OSBPL3: variants seen among roughly 807,000 people sequenced by gnomAD.
The protein encoded by OSBPL3 is oxysterol-binding protein-related protein 3.
A neutral mutation model predicts 120.1 loss-of-function variants in OSBPL3; 65 were observed. The ratio of observed to expected loss-of-function variants is 0.54; its 90% CI spans 0.44 to 0.67. OSBPL3 has a LOEUF of 0.67. Ranked by LOEUF, OSBPL3 falls within the 30% of genes least tolerant of loss-of-function variation. The pLI is 0.00. For missense variants in OSBPL3, 1,004 were observed against 1,082.1 expected, an observed-to-expected ratio of 0.93 and a Z score of 1.01; for synonymous variants, 416 against 402.6, an observed-to-expected ratio of 1.03 and a Z score of -0.40.
chr7:24,906,416 C>A (rs932557814), intron 1 of OSBPL3: 29 of 246,866 alleles, frequency 1.2e-4, no homozygotes, highest in African/African-American at 6.0e-4. Flanking sequence ...TAGGAGGAAC[C>A]TTTCCTTGTT....
intron 1 of OSBPL3, among the ~76,000 whole-genome samples, chr7:24,893,963 G>T (rs1805745461): frequency 6.6e-6 from 1 of 151,894 alleles, no homozygotes; most frequent in Non-Finnish European, 1.5e-5. Context: ...TCCTAAGCAG[G>T]TTAACAACAT....
Position 24,817,965 on chromosome 7 carries a change from T to G in OSBPL3, c.1949-1277A>C, listed in dbSNP as rs1584233488. On this transcript the variant is annotated intron_variant, in intron 17 of 22. Transcript: ENST00000313367. This position sits in a 1 kb window ranked among gnomAD's most constrained non-coding sequence, Gnocchi z 4.0. ...TCCCATCTGGCTGCTGCACTGAGGA[T>G]CTACAGATCACAGGGAAATCAGGGT... is the stretch of plus-strand genomic sequence containing the variant. Among the ~76,000 whole-genome samples, 1 of 151,996 alleles carries G rather than the reference T, an allele frequency of 6.6e-6. No homozygotes were observed. Among genetic ancestry groups the G allele is most frequent in the East Asian group, 1.9e-4 (1 of 5,198 alleles).
intron 1 of OSBPL3, among the ~76,000 whole-genome samples, chr7:24,903,176 T>C (rs190403638): frequency 6.6e-6 from 1 of 152,362 alleles, no homozygotes; most frequent in African/African-American, 2.4e-5. Flanking sequence ...ATGCCTTCCA[T>C]TTCATCTTCT....
In OSBPL3 at chr7:24,940,385, A is replaced by G. The variant is rs996517065; in HGVS notation, c.-150+39501T>C. ...TAGAAATTACTGGTACCAATGACAGATCATCAAAAGGGTTGACTATATAGC... is the reference window on the plus strand; with the variant it reads ...TAGAAATTACTGGTACCAATGACAGGTCATCAAAAGGGTTGACTATATAGC... On this transcript the variant is annotated intron_variant, in intron 1 of 22. Coordinates refer to ENST00000313367, the MANE Select transcript of OSBPL3 (RefSeq NM_015550.4). The surrounding 1 kb of genome is among the most constrained non-coding windows in gnomAD (Gnocchi z 4.4). Among the ~76,000 whole-genome samples, 1 of 152,176 alleles carries G rather than the reference A, an allele frequency of 6.6e-6. No homozygotes were observed. Among genetic ancestry groups the G allele is most frequent in the Non-Finnish European group, 1.5e-5 (1 of 68,020 alleles).
Position 24,818,113 on chromosome 7 carries a change from G to A in OSBPL3, c.1949-1425C>T, listed in dbSNP as rs1023695204. Among the ~76,000 whole-genome samples the A allele has an allele frequency of 6.6e-6, 1 of 152,174 alleles. No individual in the cohort carries two copies. Among genetic ancestry groups the A allele is most frequent in the African/African-American group, 2.4e-5 (1 of 41,430 alleles). The stretch of plus-strand genomic sequence containing the variant: ...TATTTATATAAAATGCCCCAAACAG[G>A]CACATTTATAGGCTGGGGAATATTG... On this transcript the variant is annotated intron_variant, in intron 17 of 22. Transcript: ENST00000313367. The surrounding 1 kb of genome is among the most constrained non-coding windows in gnomAD (Gnocchi z 4.0).
chr7:24,877,897 C>T lies in OSBPL3; in HGVS notation c.97-5828G>A, dbSNP rs1445979566. On this transcript the variant is annotated intron_variant, in intron 2 of 22. Coordinates refer to ENST00000313367, the MANE Select transcript of OSBPL3 (RefSeq NM_015550.4). This position sits in a 1 kb window ranked among gnomAD's most constrained non-coding sequence, Gnocchi z 4.8. ...GCCCAACACGGCTGCACTGATGTCTCATCCTGTGGGGTGTCAAGCTTAAAG... is the reference window on the plus strand; with the variant it reads ...GCCCAACACGGCTGCACTGATGTCTTATCCTGTGGGGTGTCAAGCTTAAAG... 6.6e-6 allele frequency among the ~76,000 whole-genome samples: 1 copy of T among 152,138 alleles called. No homozygotes were observed. The highest frequency in any genetic ancestry group is 1.5e-5 in the Non-Finnish European group (1 of 68,040).
chr7:24,815,222 T>C lies in OSBPL3; in HGVS notation c.2028-19A>G, dbSNP rs553854616. On this transcript the variant is annotated intron_variant, in intron 18 of 22. Transcript: ENST00000313367. This position sits in a 1 kb window ranked among gnomAD's most constrained non-coding sequence, Gnocchi z 5.1. Reference sequence around the variant, plus strand: ...CCCAAAACTAAAAAGAAGGAAAAAGTAGAAGTACCAATTTCTAGAAGAGCC... The same window carrying C: ...CCCAAAACTAAAAAGAAGGAAAAAGCAGAAGTACCAATTTCTAGAAGAGCC... The C allele has an allele frequency of 2.5e-5, 40 of 1,607,084 alleles. 1 individual carries two copies. In the South Asian group the frequency reaches 2.8e-4, roughly 11 times the overall value.
At chr7:24,945,223 T>A (rs927112575) in intron 1 of OSBPL3, among the ~76,000 whole-genome samples, 1 of 152,202 alleles carries the variant, frequency 6.6e-6, no homozygotes. Flanking sequence ...CCTTCTTTTT[T>A]CCAGGCTAAA....
At position 24,937,378 on chromosome 7, in the gene OSBPL3, T is replaced by C. The variant is rs755901970; in HGVS notation, c.-150+42508A>G. Among the ~76,000 whole-genome samples, 54 of 152,238 alleles carry C rather than the reference T, an allele frequency of 3.5e-4. No individual in the cohort carries two copies. The highest frequency in any genetic ancestry group is 6.9e-4 in the Non-Finnish European group (47 of 68,040). On this transcript the variant is annotated intron_variant, in intron 1 of 22. Transcript: ENST00000313367. This position sits in a 1 kb window ranked among gnomAD's most constrained non-coding sequence, Gnocchi z 4.0. ...TATCAGTAAATTTTTATTTCAATTG[T>C]TTAACTATTATGAATGGGCTCATTC... is the stretch of plus-strand genomic sequence containing the variant.
At chr7:24,832,199 C>G (rs1476387965) in intron 15 of OSBPL3, among the ~76,000 whole-genome samples, 3 of 121,652 alleles carry the variant, frequency 2.5e-5, no homozygotes, top group Admixed American at 7.9e-5. Flanking sequence ...AGAGCAAGAC[C>G]CTGTCTCAAA....
At chr7:24,956,308 G>GC (rs1311728412) in intron 1 of OSBPL3, among the ~76,000 whole-genome samples, 2 of 152,274 alleles carry the variant, frequency 1.3e-5, no homozygotes, top group Non-Finnish European at 2.9e-5. Context: ...CCTGTTCTGA[G>GC]ATATTTCCAC....
intron 10 of OSBPL3, among the ~76,000 whole-genome samples, chr7:24,853,359 A>C (rs1799409993): frequency 6.6e-6 from 1 of 152,242 alleles, no homozygotes; most frequent in Non-Finnish European, 1.5e-5. Context: ...AGCCAGGGCT[A>C]TGTAATCTGA....
Position 24,919,295 on chromosome 7 carries a change from G to A in OSBPL3, c.-149-26674C>T, listed in dbSNP as rs192193963. On this transcript the variant is annotated intron_variant, in intron 1 of 22. Transcript: ENST00000313367. ...ACAGGCACCAAGACAACGTGTCCTA[G>A]CATAAAGACAGACATACAGATCAGT... Among the ~76,000 whole-genome samples the A allele has an allele frequency of 4.3e-4, 65 of 152,206 alleles. 1 individual carries two copies. In the East Asian group the frequency reaches 0.011, roughly 27 times the overall value.
chr7:24,866,052 T>G lies in OSBPL3; in HGVS notation c.549+18A>C. On this transcript the variant is annotated intron_variant, in intron 6 of 22. Transcript: ENST00000313367. ...GCCACCCCGTTCTCAGATTCATTAT[T>G]GGCAAAACACTCATTACCTTCCTAC... The G allele has an allele frequency of 6.2e-7, 1 of 1,604,420 alleles. No individual in the cohort carries two copies. The highest frequency in any genetic ancestry group is 8.5e-7 in the Non-Finnish European group (1 of 1,171,730).
rs1800714127 is a variant in OSBPL3 at position 24,862,528 on chromosome 7, C to CAA, written c.870+671_870+672insTT. On this transcript the variant is annotated intron_variant, in intron 9 of 22. Coordinates refer to ENST00000313367, the MANE Select transcript of OSBPL3 (RefSeq NM_015550.4). The surrounding 1 kb of genome is among the most constrained non-coding windows in gnomAD (Gnocchi z 4.4). ...TCTTTACTTCCAAAGTGCTTATCTT[C>CAA]AGTCCATAAACTACTTTGAACCAAA... 6.6e-6 allele frequency among the ~76,000 whole-genome samples: 1 copy of CAA among 152,196 alleles called. No individual in the cohort carries two copies. Among genetic ancestry groups the CAA allele is most frequent in the African/African-American group, 2.4e-5 (1 of 41,452 alleles).
rs1024568631 is a variant in OSBPL3 at position 24,953,728 on chromosome 7, A to G, written c.-150+26158T>C. Among the ~76,000 whole-genome samples, 2 of 152,218 alleles carry G rather than the reference A, an allele frequency of 1.3e-5. No homozygotes were observed. Among genetic ancestry groups the G allele is most frequent in the African/African-American group, 4.8e-5 (2 of 41,442 alleles). ...GTAAACGCTGAACAAATGAATGAAAATAGAACTCCAAGTCACTTAGATCAA... is the reference window on the plus strand; with the variant it reads ...GTAAACGCTGAACAAATGAATGAAAGTAGAACTCCAAGTCACTTAGATCAA... On this transcript the variant is annotated intron_variant, in intron 1 of 22. Transcript: ENST00000313367. This position sits in a 1 kb window ranked among gnomAD's most constrained non-coding sequence, Gnocchi z 4.3.
Position 24,959,395 on chromosome 7 carries a change from T to C in OSBPL3, c.-150+20491A>G, listed in dbSNP as rs1815460395. On this transcript the variant is annotated intron_variant, in intron 1 of 22. Coordinates refer to ENST00000313367, the MANE Select transcript of OSBPL3 (RefSeq NM_015550.4). The surrounding 1 kb of genome is among the most constrained non-coding windows in gnomAD (Gnocchi z 4.3). ...TAACACAATGCGATTCTAACAGCAA[T>C]AGGAATAAACAAACTAAAAACCACA... Among the ~76,000 whole-genome samples, 1 of 152,020 alleles carries C rather than the reference T, an allele frequency of 6.6e-6. No homozygotes were observed. Among genetic ancestry groups the C allele is most frequent in the African/African-American group, 2.4e-5 (1 of 41,384 alleles).
At position 24,900,833 on chromosome 7, in the gene OSBPL3, A is replaced by G. The variant is rs189898600; in HGVS notation, c.-149-8212T>C. On this transcript the variant is annotated intron_variant, in intron 1 of 22. Coordinates refer to ENST00000313367, the MANE Select transcript of OSBPL3 (RefSeq NM_015550.4). The surrounding 1 kb of genome is among the most constrained non-coding windows in gnomAD (Gnocchi z 4.5). ...AAAATATTAGGTTGGTGTGAAAGTA[A>G]GTGCGGATTTTGCCATTGGCACGAA... Among the ~76,000 whole-genome samples the G allele has an allele frequency of 2.6e-5, 4 of 152,282 alleles. No individual in the cohort carries two copies. The highest frequency in any genetic ancestry group is 4.4e-5 in the Non-Finnish European group (3 of 68,018).
At chr7:24,839,991 C>CAAAAAAAAAAAAAAAAA (rs71675250) in intron 14 of OSBPL3, among the ~76,000 whole-genome samples, 13 of 53,300 alleles carry the variant, frequency 2.4e-4, no homozygotes, top group East Asian at 1.6e-3. Flanking sequence ...CTCCATCTCA[C>CAAAAAAAAAAAAAAAAA]AAAAAAAAAA....
Sources: gnomAD v4.1 joint callset for allele counts (sites outside exome capture counted in the v4.1 genomes callset) on GRCh38, gnomAD v4.1.1 for gene constraint, Gnocchi (gnomAD v3.1) non-coding constraint, MANE v1.5 for transcripts, NCBI Gene and HGNC (gene_info 2026-07-23, HGNC 2026-07-21) for gene names.